DOT1L: variants seen among roughly 807,000 people sequenced by gnomAD.
DOT1L encodes the protein histone-lysine N-methyltransferase, H3 lysine-79 specific.
A neutral mutation model predicts 153.3 loss-of-function variants in DOT1L; 33 were observed. That is an observed-to-expected ratio of 0.22 (90% CI 0.16 to 0.29). The LOEUF (loss-of-function observed/expected upper bound fraction) is 0.29, where lower values mean the gene tolerates loss of function less well. Ranked by LOEUF, DOT1L falls within the 10% of genes least tolerant of loss-of-function variation. The pLI is 1.00. For missense variants in DOT1L, 1,847 were observed against 2,119.9 expected (o/e 0.87, Z 2.53); for synonymous variants, 1,135 against 965.1 (o/e 1.18, Z -3.26).
chr19:2,229,176 T>C, intron 27 of DOT1L: 1 of 985,430 alleles, frequency 1.0e-6, no homozygotes, highest in Non-Finnish European at 1.2e-6. Context: ...ATGTGAGGCC[T>C]TCAGGGAATG....
rs1326780283 is a variant in DOT1L at position 2,229,234 on chromosome 19, C to T, written c.4607-551C>T. On this transcript the variant is annotated intron_variant, in intron 27 of 27. Transcript: ENST00000398665. ...AGGCTGTGGAGACTGTGGCCGCTGACCCCTGAGGGCAGTTGGCCACCCGTG... is the reference window on the plus strand; with the variant it reads ...AGGCTGTGGAGACTGTGGCCGCTGATCCCTGAGGGCAGTTGGCCACCCGTG... The T allele has an allele frequency of 1.4e-5, 14 of 985,358 alleles. No homozygotes were observed. In the South Asian group the frequency reaches 5.2e-4, roughly 36 times the overall value. The allele number at this position is 985,358 out of a possible 1,614,324, so 61.0% of individuals were successfully genotyped here.
intron 15 of DOT1L, among the ~76,000 whole-genome samples, 178 bp from the exon 16 acceptor site, chr19:2,211,573 T>G (rs1366003328): frequency 4.6e-5 from 7 of 152,230 alleles, no homozygotes; most frequent in Non-Finnish European, 8.8e-5. Context: ...TCAGAGGGCC[T>G]GAGTGCTCTG....
chr19:2,222,206 G>T lies in DOT1L; in HGVS notation c.3037G>T (p.Gly1013Cys), dbSNP rs1302983209. The T allele has an allele frequency of 6.2e-7, 1 of 1,613,078 alleles. No homozygotes were observed. The highest frequency in any genetic ancestry group is 8.5e-7 in the Non-Finnish European group (1 of 1,179,848). Reference sequence around the variant, plus strand: ...CCAGCTCTCCTCCAGTCCCCGGCTTGGTGGGGCCGCCCAGGGCCCGTTGCC... The same window carrying T: ...CCAGCTCTCCTCCAGTCCCCGGCTTTGTGGGGCCGCCCAGGGCCCGTTGCC... The part of the protein sequence containing the change: ...AHQLSSSPRL[G>C]GAAQGPLPEA... Residue 1013 changes from glycine to cysteine, a missense_variant, in exon 24 of 28, where the codon GGT becomes TGT. Physicochemically the swap from Gly to Cys is radical, Grantham distance 159. Coordinates refer to ENST00000398665, the MANE Select transcript of DOT1L (RefSeq NM_032482.3). This position sits in a 1 kb window ranked among gnomAD's most constrained non-coding sequence, Gnocchi z 6.5.
At position 2,208,693 on chromosome 19, in the gene DOT1L, G is replaced by A. The variant is rs1382289488; in HGVS notation, c.964-242G>A. Among the ~76,000 whole-genome samples, 1 of 152,182 alleles carries A rather than the reference G, an allele frequency of 6.6e-6. No individual in the cohort carries two copies. Among genetic ancestry groups the A allele is most frequent in the Non-Finnish European group, 1.5e-5 (1 of 68,028 alleles). On this transcript the variant is annotated intron_variant, in intron 11 of 27. Transcript: ENST00000398665. This position sits in a 1 kb window ranked among gnomAD's most constrained non-coding sequence, Gnocchi z 4.4. ...CCCAGGGCCCTGTGTCTGTTCTGAA[G>A]GCTTAAACCAGCCCCGCCCACCCGT...
At chr19:2,186,308 C>T (rs1204549132) in intron 3 of DOT1L, among the ~76,000 whole-genome samples, 1 of 152,062 alleles carries the variant, frequency 6.6e-6, no homozygotes, top group Non-Finnish European at 1.5e-5. Context: ...TAGATCTCAG[C>T]TGGGTTTGGT....
chr19:2,222,302 A>T lies in DOT1L; in HGVS notation c.3133A>T (p.Ile1045Phe). 1 of 1,613,000 alleles carries T rather than the reference A, an allele frequency of 6.2e-7. No individual in the cohort carries two copies. The highest frequency in any genetic ancestry group is 8.5e-7 in the Non-Finnish European group (1 of 1,179,906). Residue 1045 changes from isoleucine to phenylalanine, a missense_variant, in exon 24 of 28, where the codon ATT becomes TTT. By Grantham distance (21) the Ile-to-Phe change is conservative (BLOSUM62 0). Coordinates refer to ENST00000398665, the MANE Select transcript of DOT1L (RefSeq NM_032482.3). The surrounding 1 kb of genome is among the most constrained non-coding windows in gnomAD (Gnocchi z 6.5). ...TCCTGAGAGTGAAGCCAAGAGGAGGATTGTGTTCACCATCACCACTGGTGC... is the reference window on the plus strand; with the variant it reads ...TCCTGAGAGTGAAGCCAAGAGGAGGTTTGTGTTCACCATCACCACTGGTGC... ...SDPESEAKRRIVFTITTGAGS... is the reference protein window; with the variant it reads ...SDPESEAKRRFVFTITTGAGS...
chr19:2,169,445 G>A (rs528813844), intron 1 of DOT1L, among the ~76,000 whole-genome samples: 1 of 152,268 alleles, frequency 6.6e-6, no homozygotes, highest in Admixed American at 6.5e-5. Flanking sequence ...ACTGGGGCGG[G>A]GAATTGTCCA....
Position 2,197,590 on chromosome 19 carries a change from A to G in DOT1L, c.652-2294A>G, listed in dbSNP as rs2023076508. Reference sequence around the variant, plus strand: ...TGGGTCCATGACACGGCTGAGCAGCATGGTGTCTAGTGTGGCACAGGTGCT... The same window carrying G: ...TGGGTCCATGACACGGCTGAGCAGCGTGGTGTCTAGTGTGGCACAGGTGCT... On this transcript the variant is annotated intron_variant, in intron 7 of 27. Transcript: ENST00000398665. This position sits in a 1 kb window ranked among gnomAD's most constrained non-coding sequence, Gnocchi z 4.1. 6.6e-6 allele frequency among the ~76,000 whole-genome samples: 1 copy of G among 152,090 alleles called. No individual in the cohort carries two copies. Among genetic ancestry groups the G allele is most frequent in the Non-Finnish European group, 1.5e-5 (1 of 68,012 alleles).
At chr19:2,225,919 TCCTGTCTTCCGC>T (rs2024309194) in intron 26 of DOT1L, among the ~76,000 whole-genome samples, 1 of 152,190 alleles carries the variant, frequency 6.6e-6, no homozygotes, top group East Asian at 1.9e-4. Flanking sequence ...GCTGCCTCTG[TCCTGTCTTCCGC>T]CCTCCTGTCC....
At chr19:2,210,336 C>T in intron 12 of DOT1L, 64 bp from the exon 13 acceptor site, 1 of 1,387,912 alleles carries the variant, frequency 7.2e-7, no homozygotes, top group Non-Finnish European at 9.5e-7. Context: ...CCGCGTGCCT[C>T]TCGGTGCAGG....
Position 2,191,211 on chromosome 19 carries a change from A to G in DOT1L, c.464A>G (p.Asp155Gly), listed in dbSNP as rs1443488005. Residue 155 changes from aspartate (D) to glycine (G), a missense_variant, in exon 5 of 28, where the codon GAC becomes GGC. Physicochemically the swap from Asp to Gly is moderately conservative, Grantham distance 94. Around this residue, in one of 8 missense-constraint regions of DOT1L, gnomAD observed 148 missense variants for 422.3 expected, o/e 0.35. Transcript: ENST00000398665. This position sits in a 1 kb window ranked among gnomAD's most constrained non-coding sequence, Gnocchi z 6.8. Reference protein sequence around the residue: ...AQMIDEIKMTDDDLFVDLGSG... With the variant: ...AQMIDEIKMTGDDLFVDLGSG... ...ATGATTGATGAGATCAAGATGACCG[A>G]CGACGACCTGTTTGTGGACTTGGGG... 6.2e-7 allele frequency: 1 copy of G among 1,613,560 alleles called. No homozygotes were observed. Among genetic ancestry groups the G allele is most frequent in the African/African-American group, 1.3e-5 (1 of 74,766 alleles).
Position 2,232,017 on chromosome 19 carries a change from T to G in DOT1L, c.*2225T>G. On this transcript the variant is annotated 3_prime_UTR_variant, in exon 28 of 28. Coordinates refer to ENST00000398665, the MANE Select transcript of DOT1L (RefSeq NM_032482.3). Reference sequence around the variant, plus strand: ...TCCTGTTCTGAGCCCTGGGCCTGTGTTCTTCTCAGACACTCCCAGACTGAG... The same window carrying G: ...TCCTGTTCTGAGCCCTGGGCCTGTGGTCTTCTCAGACACTCCCAGACTGAG... 1 of 207,444 alleles carries G rather than the reference T, an allele frequency of 4.8e-6. No homozygotes were observed. Among genetic ancestry groups the G allele is most frequent in the Non-Finnish European group, 9.8e-6 (1 of 101,768 alleles). The allele number at this position is 207,444 out of a possible 1,614,324, so 12.9% of individuals were successfully genotyped here. A position where few individuals can be genotyped will look rare whatever the true frequency, so the allele number is the denominator to read the frequency against.
intron 18 of DOT1L, 97 bp from the exon 19 acceptor site, chr19:2,214,374 T>C: frequency 6.5e-7 from 1 of 1,538,482 alleles, no homozygotes; most frequent in Non-Finnish European, 8.8e-7. Flanking sequence ...ACACATGCTG[T>C]TGGCTGAGGC....
intron 1 of DOT1L, among the ~76,000 whole-genome samples, chr19:2,165,338 A>G (rs2019870839): frequency 6.6e-6 from 1 of 152,106 alleles, no homozygotes; most frequent in South Asian, 2.1e-4. Context: ...GGGCGGGGTC[A>G]GGACGCGGAG....
rs1217779941 is a variant in DOT1L, at chr19:2,223,426, A to G, written c.3536A>G (p.His1179Arg). 1.2e-6 allele frequency: 2 copies of G among 1,613,538 alleles called. No individual in the cohort carries two copies. Among genetic ancestry groups the G allele is most frequent in the Middle Eastern group, 1.6e-4 (1 of 6,062 alleles). Residue 1179 changes from histidine to arginine, a missense_variant, in exon 25 of 28, where the codon CAC becomes CGC. This residue lies in a region of DOT1L where 934 missense variants were observed against 825.3 expected (regional missense o/e 1.13). Coordinates refer to ENST00000398665, the MANE Select transcript of DOT1L (RefSeq NM_032482.3). The stretch of plus-strand genomic sequence containing the variant: ...CCTCTGAGCCAGACCAATGGGGCAC[A>G]CTACTCCCCACTCACCTCAGACGAG... ...ERPLSQTNGA[H>R]YSPLTSDEEP... is the part of the protein sequence containing the mutation.
chr19:2,171,522 C>T (rs2021620330), intron 1 of DOT1L, among the ~76,000 whole-genome samples: 1 of 152,200 alleles, frequency 6.6e-6, no homozygotes, highest in Non-Finnish European at 1.5e-5. Context: ...TGCTGCTCAT[C>T]ACTCACAGAG....
In DOT1L at chr19:2,227,135, G is replaced by C. The variant is rs749084785; in HGVS notation, c.4606+8G>C. On this transcript the variant is annotated splice_region_variant and intron_variant, in intron 27 of 27. Coordinates refer to ENST00000398665, the MANE Select transcript of DOT1L (RefSeq NM_032482.3). ...CAGGCGGCACAGTTGGAGGTAGGCA[G>C]GGCGGCCGTCCGTCCGCCCCCCGCC... is the stretch of plus-strand genomic sequence containing the variant. 1 of 1,556,590 alleles carries C rather than the reference G, an allele frequency of 6.4e-7. No homozygotes were observed. The highest frequency in any genetic ancestry group is 8.6e-7 in the Non-Finnish European group (1 of 1,161,442).
intron 1 of DOT1L, among the ~76,000 whole-genome samples, chr19:2,175,035 G>T (rs2021857139): frequency 1.4e-5 from 2 of 144,736 alleles, no homozygotes; most frequent in Non-Finnish European, 3.0e-5. Flanking sequence ...GTCTTGCTCT[G>T]TTGCCCAGGC....
chr19:2,184,095 C>T (rs1207413869), intron 2 of DOT1L, among the ~76,000 whole-genome samples: 1 of 152,192 alleles, frequency 6.6e-6, no homozygotes, highest in African/African-American at 2.4e-5. Flanking sequence ...ACCGTGCGGC[C>T]GCTCCTTTCA....
Sources: gnomAD v4.1 joint callset for allele counts (sites outside exome capture counted in the v4.1 genomes callset) on GRCh38, gnomAD v4.1.1 for gene constraint, gnomAD v4.1.1 regional missense constraint, Gnocchi (gnomAD v3.1) non-coding constraint, MANE v1.5 for transcripts, NCBI Gene and HGNC (gene_info 2026-07-23, HGNC 2026-07-21) for gene names.